The following PPHLN1 variants were observed in gnomAD, a reference collection of about 807,000 sequenced individuals.
PPHLN1 encodes the protein periphilin 1, also known as periphilin-1.
In PPHLN1, 29 loss-of-function variants were observed where a neutral mutation model predicts 51.3. The observed-to-expected ratio is 0.57, with a 90% confidence interval of 0.42 to 0.77. The LOEUF is 0.77. Among genes scored for constraint, PPHLN1 ranks in the 30% least tolerant of loss-of-function variants. The probability of loss-of-function intolerance (pLI) is 0.00; values close to 1 mark genes in which losing one functional copy is unlikely to be tolerated. For missense variants in PPHLN1, 436 were observed against 438.4 expected, an observed-to-expected ratio of 0.99 and a Z score of 0.05; for synonymous variants, 147 against 147.8, an observed-to-expected ratio of 0.99 and a Z score of 0.04.
chr12:42,374,528 C>T (rs2076074006), intron 4 of PPHLN1: 2 of 193,084 alleles, frequency 1.0e-5, no homozygotes, highest in Non-Finnish European at 2.2e-5. Flanking sequence ...CAAGCTCCGC[C>T]TCCCAGGTTC....
At chr12:42,432,304 C>G in intron 9 of PPHLN1, 1 of 746,706 alleles carries the variant, frequency 1.3e-6, no homozygotes, top group East Asian at 2.4e-5. Context: ...TAGAACCAAT[C>G]TGTTATGGCT....
At chr12:42,429,099 G>A (rs1033526798) in intron 9 of PPHLN1, among the ~76,000 whole-genome samples, 3 of 151,920 alleles carry the variant, frequency 2.0e-5, no homozygotes, top group African/African-American at 4.8e-5. Context: ...ATTTTATTAT[G>A]TATTTAATTG....
intron 9 of PPHLN1, among the ~76,000 whole-genome samples, chr12:42,405,223 C>G (rs2079187836): frequency 1.3e-5 from 2 of 152,190 alleles, no homozygotes; most frequent in African/African-American, 2.4e-5. Flanking sequence ...AAGTTGTTCT[C>G]ATACTTTCCC....
chr12:42,329,966 A>G (rs760935833), intron 1 of PPHLN1: 2 of 152,130 alleles, frequency 1.3e-5, no homozygotes, highest in African/African-American at 2.4e-5. Context: ...ATTGTTTACT[A>G]TTTGCACTGT....
At chr12:42,382,444 GC>G (rs947343252) in intron 5 of PPHLN1, among the ~76,000 whole-genome samples, 2 of 151,252 alleles carry the variant, frequency 1.3e-5, no homozygotes, top group African/African-American at 4.9e-5. Context: ...ATTTTCTTTT[GC>G]AAGTCACAAC....
chr12:42,441,539 A>C lies in PPHLN1; in HGVS notation c.*30A>C. 3.3e-6 allele frequency: 5 copies of C among 1,518,532 alleles called. No individual in the cohort carries two copies. Among genetic ancestry groups the C allele is most frequent in the Non-Finnish European group, 4.4e-6 (5 of 1,138,136 alleles). 94.1% of individuals were successfully genotyped at this position (1,518,532 alleles called of 1,614,324 possible). On this transcript the variant is annotated 3_prime_UTR_variant, in exon 10 of 10. Transcript: ENST00000358314. ...TTCTGCTCAGGCTAAAAAAAAAAAA[A>C]AACAGTTTCTAAAAATTTTTTTTCC... is the stretch of plus-strand genomic sequence containing the variant.
intron 1 of PPHLN1, chr12:42,332,777 T>C: frequency 1.1e-6 from 1 of 872,238 alleles, no homozygotes; most frequent in Non-Finnish European, 1.7e-6. Flanking sequence ...AATTTTAATA[T>C]TTCAGTATTA....
At position 42,387,467 on chromosome 12, in the gene PPHLN1, C is replaced by T; in HGVS notation, c.580C>T (p.Pro194Ser). The T allele has an allele frequency of 1.2e-6, 2 of 1,612,134 alleles. No homozygotes were observed. The highest frequency in any genetic ancestry group is 2.2e-5 in the East Asian group (1 of 44,830). The change falls in exon 7 of 10, where the codon CCT becomes TCT. Residue 194 changes from proline to serine, a missense_variant. By Grantham distance (74) the Pro-to-Ser change is moderately conservative. Coordinates refer to ENST00000358314, the MANE Select transcript of PPHLN1 (RefSeq NM_201439.2). ...EGNPERDKER[P>S]VQSLKTSRDT... ...GTTTTCTTATATAGATAAAGAGAGG[C>T]CTGTCCAGTCTTTGAAAACATCAAG...
chr12:42,389,097 G>A (rs952182500), intron 7 of PPHLN1, among the ~76,000 whole-genome samples: 1 of 152,156 alleles, frequency 6.6e-6, no homozygotes, highest in Non-Finnish European at 1.5e-5. Context: ...AATTGGCTGG[G>A]TGTGGTGGCT....
At chr12:42,338,442 TAC>T (rs1033421334) in intron 2 of PPHLN1, among the ~76,000 whole-genome samples, 2 of 152,186 alleles carry the variant, frequency 1.3e-5, no homozygotes, top group African/African-American at 4.8e-5. Context: ...ATTGAAGTAA[TAC>T]ACCATTTGGT....
chr12:42,441,218 T>C (rs918126240), intron 9 of PPHLN1, 97 bp from the exon 10 acceptor site: 8 of 1,431,982 alleles, frequency 5.6e-6, no homozygotes, highest in African/African-American at 1.4e-5. Flanking sequence ...GTGTCTCTCT[T>C]TTAGATGTCA....
downstream of PPHLN1, chr12:42,446,419 G>A: frequency 7.2e-7 from 1 of 1,379,670 alleles, no homozygotes; most frequent in Non-Finnish European, 9.7e-7. Context: ...TGACTTTTTA[G>A]CTAGGAGGGA....
chr12:42,403,340 T>C (rs1317031144), intron 9 of PPHLN1, among the ~76,000 whole-genome samples: 2 of 152,216 alleles, frequency 1.3e-5, no homozygotes, highest in Non-Finnish European at 2.9e-5. Context: ...AAGATGTACC[T>C]CTGAAAGTCT....
At chr12:42,411,989 G>A (rs1050088302) in intron 9 of PPHLN1, among the ~76,000 whole-genome samples, 3 of 149,958 alleles carry the variant, frequency 2.0e-5, no homozygotes, top group Non-Finnish European at 3.0e-5. Flanking sequence ...GGCGGATCAC[G>A]AGGTCAGGAG....
At chr12:42,404,484 G>T (rs1404861522) in intron 9 of PPHLN1, among the ~76,000 whole-genome samples, 1 of 150,944 alleles carries the variant, frequency 6.6e-6, no homozygotes, top group East Asian at 2.0e-4. Flanking sequence ...AGCCGAGATT[G>T]CGCCCTTGCA....
intron 5 of PPHLN1, among the ~76,000 whole-genome samples, chr12:42,382,449 T>C (rs903253142): frequency 1.3e-5 from 2 of 152,142 alleles, no homozygotes; most frequent in African/African-American, 4.8e-5. Flanking sequence ...CTTTTGCAAG[T>C]CACAACAAAG....
At position 42,375,051 on chromosome 12, in the gene PPHLN1, C is replaced by G; in HGVS notation, c.488C>G (p.Ser163Cys). The G allele has an allele frequency of 6.2e-7, 1 of 1,610,894 alleles. No homozygotes were observed. The highest frequency in any genetic ancestry group is 2.2e-5 in the East Asian group (1 of 44,862). ...TCTCCAGAAAGGAGCAAATCATACTCTTTCCATCAGTCTCAACATAGAAGT... is the reference window on the plus strand; with the variant it reads ...TCTCCAGAAAGGAGCAAATCATACTGTTTCCATCAGTCTCAACATAGAAGT... ...SYSPERSKSY[S>C]FHQSQHRKSV... The change falls in exon 5 of 10, where the codon TCT (serine) becomes TGT (cysteine). Residue 163 changes from serine (S) to cysteine (C), a missense_variant. Coordinates refer to ENST00000358314, the MANE Select transcript of PPHLN1 (RefSeq NM_201439.2).
chr12:42,375,119 G>A (rs1443587104), intron 5 of PPHLN1, 45 bp downstream of exon 5: 2 of 1,391,114 alleles, frequency 1.4e-6, no homozygotes, highest in East Asian at 2.3e-5. Context: ...AGTCTCCTCT[G>A]ATGAGAATGT....
intron 2 of PPHLN1, among the ~76,000 whole-genome samples, chr12:42,342,200 T>A (rs2071613569): frequency 6.6e-6 from 1 of 152,228 alleles, no homozygotes; most frequent in Non-Finnish European, 1.5e-5. Context: ...TCTGATTTCT[T>A]AACCTTTATC....
Sources: gnomAD v4.1 joint callset for allele counts (sites outside exome capture counted in the v4.1 genomes callset) on GRCh38, gnomAD v4.1.1 for gene constraint, MANE v1.5 for transcripts, NCBI Gene and HGNC (gene_info 2026-07-23, HGNC 2026-07-21) for gene names.